Variants in ASPRV1 observed in about 807,000 individuals in gnomAD.
The protein encoded by ASPRV1 is retroviral-like aspartic protease 1.
ASPRV1 carries 7 observed loss-of-function variants against 11.0 expected under a neutral mutation model. The ratio of observed to expected loss-of-function variants is 0.64; its 90% CI spans 0.36 to 1.20. The LOEUF is 1.20. Among genes scored for constraint, ASPRV1 ranks in the 50% most tolerant of loss-of-function variants. The probability of loss-of-function intolerance (pLI) is 0.02; values close to 1 mark genes in which losing one functional copy is unlikely to be tolerated. For missense variants in ASPRV1, 299 were observed against 320.0 expected, an observed-to-expected ratio of 0.93 and a Z score of 0.50; for synonymous variants, 136 against 138.4, an observed-to-expected ratio of 0.98 and a Z score of 0.12.
the ASPRV1 span, chr2:69,938,212 T>C: frequency 1.9e-6 from 3 of 1,614,064 alleles, no homozygotes; most frequent in African/African-American, 2.7e-5. Flanking sequence ...TCGGCAGTGA[T>C]GAGGGCTATT....
chr2:70,018,834 G>C, the ASPRV1 span: 1 of 152,146 alleles, frequency 6.6e-6, no homozygotes, highest in East Asian at 1.9e-4. Flanking sequence ...AGAAAGCATA[G>C]GGAAAAAGCT....
chr2:70,005,486 TA>T, the ASPRV1 span, among the ~76,000 whole-genome samples: 1 of 152,244 alleles, frequency 6.6e-6, no homozygotes, highest in Non-Finnish European at 1.5e-5. Flanking sequence ...TTATTAAAGT[TA>T]CAGATTTTCT....
At chr2:70,081,554 A>C in the ASPRV1 span, 2 of 151,970 alleles carry the variant, frequency 1.3e-5, no homozygotes, top group African/African-American at 4.8e-5. Context: ...AGAAAGTAAC[A>C]GGGGAAAGGC....
the ASPRV1 span, among the ~76,000 whole-genome samples, chr2:70,069,894 A>C: frequency 6.6e-6 from 1 of 152,206 alleles, no homozygotes; most frequent in Admixed American, 6.6e-5. Context: ...GCAATAAAAC[A>C]ACCTTGAACA....
At chr2:70,046,103 A>C in the ASPRV1 span, 2 of 152,132 alleles carry the variant, frequency 1.3e-5, no homozygotes, top group Non-Finnish European at 2.9e-5. Context: ...CCTCAAATCA[A>C]CAACAGGTCC....
the ASPRV1 span, among the ~76,000 whole-genome samples, chr2:70,048,107 C>CAAAAAA: frequency 6.2e-5 from 2 of 32,476 alleles, no homozygotes; most frequent in African/African-American, 1.1e-4. Context: ...GACTCCATCT[C>CAAAAAA]AAAAAAAAAA....
chr2:70,030,668 G>A, the ASPRV1 span: 26 of 152,212 alleles, frequency 1.7e-4, no homozygotes, highest in African/African-American at 6.3e-4. Flanking sequence ...CAGTGGTTTG[G>A]TTTACAACCA....
chr2:69,962,195 T>G, upstream of ASPRV1: 1 of 92,144 alleles, frequency 1.1e-5, no homozygotes, highest in Non-Finnish European at 2.4e-5. Context: ...TTTAAGTGAG[T>G]GAGGACACAC....
the ASPRV1 span, among the ~76,000 whole-genome samples, chr2:70,005,437 C>T: frequency 4.6e-5 from 7 of 152,132 alleles, no homozygotes; most frequent in Non-Finnish European, 1.5e-5. Flanking sequence ...CTTCTTGACA[C>T]GCATGCCAAA....
the ASPRV1 span, among the ~76,000 whole-genome samples, chr2:70,035,230 G>A: frequency 6.6e-6 from 1 of 152,120 alleles, no homozygotes; most frequent in African/African-American, 2.4e-5. Flanking sequence ...TTGTTCCAGG[G>A]ACTCTCAGCA....
At chr2:69,936,119 C>G in the ASPRV1 span, among the ~76,000 whole-genome samples, 1 of 152,030 alleles carries the variant, frequency 6.6e-6, no homozygotes, top group African/African-American at 2.4e-5. Flanking sequence ...ACTTTCCTCT[C>G]TCTTCTTCAC....
At chr2:70,052,536 C>CT in the ASPRV1 span, among the ~76,000 whole-genome samples, 1 of 152,158 alleles carries the variant, frequency 6.6e-6, no homozygotes, top group Non-Finnish European at 1.5e-5. Context: ...AGCAGCGTAT[C>CT]TGTTCACGCA....
the ASPRV1 span, chr2:70,032,019 A>C: frequency 6.6e-6 from 1 of 152,138 alleles, no homozygotes; most frequent in Admixed American, 6.5e-5. Flanking sequence ...TGCCCACGTC[A>C]ATTGCTATTC....
the ASPRV1 span, among the ~76,000 whole-genome samples, chr2:70,080,015 G>C: frequency 6.6e-6 from 1 of 152,210 alleles, no homozygotes; most frequent in African/African-American, 2.4e-5. Context: ...TGCTTAGTAA[G>C]TGGGATCAGA....
the ASPRV1 span, among the ~76,000 whole-genome samples, chr2:70,074,512 G>A: frequency 2.6e-5 from 4 of 151,290 alleles, no homozygotes; most frequent in South Asian, 2.1e-4. Context: ...TCCTGACCTC[G>A]TAATCCGCCC....
At chr2:70,041,717 C>G in the ASPRV1 span, among the ~76,000 whole-genome samples, 3 of 152,282 alleles carry the variant, frequency 2.0e-5, no homozygotes, top group Non-Finnish European at 4.4e-5. Flanking sequence ...GAGGTCCAAT[C>G]TAGGGAAGAG....
chr2:70,041,237 G>A, the ASPRV1 span, among the ~76,000 whole-genome samples: 12 of 152,218 alleles, frequency 7.9e-5, no homozygotes, highest in African/African-American at 2.9e-4. Context: ...AGGGTCTCAA[G>A]AGGACCTAGT....
At chr2:70,019,212 T>C in the ASPRV1 span, 1 of 152,182 alleles carries the variant, frequency 6.6e-6, no homozygotes, top group Non-Finnish European at 1.5e-5. Context: ...AACAATGACA[T>C]ATCACCTCAC....
chr2:70,048,107 CAAAAA>C, the ASPRV1 span, among the ~76,000 whole-genome samples: 1 of 32,492 alleles, frequency 3.1e-5, no homozygotes, highest in African/African-American at 1.1e-4. Context: ...GACTCCATCT[CAAAAA>C]AAAAAAAAAA....
Sources: allele counts gnomAD v4.1 joint callset (sites outside exome capture counted in the v4.1 genomes callset), GRCh38; gene constraint gnomAD v4.1.1; transcripts MANE v1.5; gene names NCBI Gene and HGNC (gene_info 2026-07-23, HGNC 2026-07-21).